HS3ST4: variants seen among roughly 807,000 people sequenced by gnomAD.
HS3ST4 encodes heparan sulfate glucosamine 3-O-sulfotransferase 4.
In HS3ST4, 17 loss-of-function variants were observed where a neutral mutation model predicts 29.2. The ratio of observed to expected loss-of-function variants is 0.58; its 90% CI spans 0.40 to 0.87. The LOEUF (loss-of-function observed/expected upper bound fraction) is 0.87. HS3ST4 is among the 40% of genes least tolerant of loss of function. HS3ST4 has a pLI of 0.00. For synonymous variants in HS3ST4, 314 were observed against 285.7 expected (o/e 1.10, Z -1.00); for missense variants, 627 against 634.5 (o/e 0.99, Z 0.13).
At chr16:25,734,719 C>T (rs1966595320) in intron 1 of HS3ST4, among the ~76,000 whole-genome samples, 1 of 152,136 alleles carries the variant, frequency 6.6e-6, no homozygotes, top group Non-Finnish European at 1.5e-5. Flanking sequence ...TGAAGATGAG[C>T]TGGTGAGTTC....
chr16:25,693,084 G>A lies in HS3ST4; in HGVS notation c.667G>A (p.Val223Met). 1.9e-6 allele frequency: 3 copies of A among 1,608,834 alleles called. No homozygotes were observed. Among genetic ancestry groups the A allele is most frequent in the Non-Finnish European group, 2.5e-6 (3 of 1,177,926 alleles). ...LLEAIRVHPD[V>M]RAVGVEPHFF... ...GGAGGCGATCCGCGTGCACCCGGAC[G>A]TGCGGGCGGTGGGCGTAGAGCCGCA... is the stretch of plus-strand genomic sequence containing the variant. Residue 223 changes from valine (V) to methionine (M), a missense_variant, in exon 1 of 2, where the codon GTG becomes ATG. Physicochemically the swap from Val to Met is conservative, Grantham distance 21. This residue lies in a region of HS3ST4 where 402 missense variants were observed against 340.8 expected (regional missense o/e 1.18). Transcript: ENST00000331351.
At chr16:26,018,946 G>A (rs1174617109) in intron 1 of HS3ST4, among the ~76,000 whole-genome samples, 1 of 151,964 alleles carries the variant, frequency 6.6e-6, no homozygotes, top group Non-Finnish European at 1.5e-5. Flanking sequence ...CTTTCAGTTG[G>A]CCCAGCTCAT....
chr16:25,912,928 A>G lies in HS3ST4; in HGVS notation c.734+219777A>G, dbSNP rs577444173. ...GTGATAGAAAGATGAATAAAATGAC[A>G]TCCTTCCCCAAATCAGAATCACAAA... On this transcript the variant is annotated intron_variant, in intron 1 of 1. Transcript: ENST00000331351. 2.0e-5 allele frequency among the ~76,000 whole-genome samples: 3 copies of G among 152,364 alleles called. No homozygotes were observed. In the East Asian group the frequency reaches 5.8e-4, roughly 29 times the overall value.
At chr16:26,031,005 T>C (rs761693530) in intron 1 of HS3ST4, among the ~76,000 whole-genome samples, 1 of 152,162 alleles carries the variant, frequency 6.6e-6, no homozygotes, top group Non-Finnish European at 1.5e-5. Context: ...GAAGTATTTG[T>C]GAAGGATAGA....
intron 1 of HS3ST4, among the ~76,000 whole-genome samples, chr16:25,847,862 TG>T (rs1280312643): frequency 6.6e-6 from 1 of 152,206 alleles, no homozygotes; most frequent in Non-Finnish European, 1.5e-5. Context: ...GTTAAGACAT[TG>T]CTAAATTAAA....
chr16:26,021,329 G>A (rs3925102), intron 1 of HS3ST4, among the ~76,000 whole-genome samples: 63,315 of 152,070 alleles, frequency 0.42, 14,182 homozygotes, highest in South Asian at 0.63. Flanking sequence ...CCTGCCCAGC[G>A]GTGATCAGCC....
chr16:25,787,473 C>A (rs1377742848), intron 1 of HS3ST4, among the ~76,000 whole-genome samples: 1 of 152,158 alleles, frequency 6.6e-6, no homozygotes, highest in African/African-American at 2.4e-5. Context: ...TACAACTGGC[C>A]CATTACAACA....
chr16:25,775,499 G>A (rs1426942967), intron 1 of HS3ST4, among the ~76,000 whole-genome samples: 1 of 152,100 alleles, frequency 6.6e-6, no homozygotes, highest in Non-Finnish European at 1.5e-5. Flanking sequence ...AAACTCCTTA[G>A]CTGACATCTA....
intron 1 of HS3ST4, among the ~76,000 whole-genome samples, chr16:25,779,497 A>T (rs1966850731): frequency 6.6e-6 from 1 of 152,142 alleles, no homozygotes; most frequent in South Asian, 2.1e-4. Context: ...TAATCAACCA[A>T]CCAATTAGCA....
intron 1 of HS3ST4, among the ~76,000 whole-genome samples, chr16:26,035,899 A>G (rs571789387): frequency 1.3e-5 from 2 of 152,360 alleles, no homozygotes; most frequent in Admixed American, 1.3e-4. Context: ...CCCATGACTA[A>G]TTATGTGAAC....
chr16:25,692,370 G>C lies in HS3ST4; in HGVS notation c.-48G>C. The C allele has an allele frequency of 2.9e-6, 1 of 344,118 alleles. No individual in the cohort carries two copies. The highest frequency in any genetic ancestry group is 4.1e-6 in the Non-Finnish European group (1 of 245,868). 21.3% of individuals were successfully genotyped at this position (344,118 alleles called of 1,614,324 possible). Reference sequence around the variant, plus strand: ...GCGGCTGAAACCATGTCCGGGCAGCGCCGGGGGCTGCCGCCGCCGCCGCCG... The same window carrying C: ...GCGGCTGAAACCATGTCCGGGCAGCCCCGGGGGCTGCCGCCGCCGCCGCCG... On this transcript the variant is annotated 5_prime_UTR_variant, in exon 1 of 2. Transcript: ENST00000331351.
chr16:25,921,777 C>T (rs1968357448), intron 1 of HS3ST4, among the ~76,000 whole-genome samples: 1 of 145,524 alleles, frequency 6.9e-6, no homozygotes, highest in Non-Finnish European at 1.5e-5. Flanking sequence ...TTTTTTGAGA[C>T]AGGGTTCTGC....
rs187830573 is a variant in HS3ST4, at chr16:25,697,812, A to T, written c.734+4661A>T. ...CTCAGCCTCCTGAGTAGCTGGGACT[A>T]CAGGTGCGCACCACCACGTCCAGCA... On this transcript the variant is annotated intron_variant, in intron 1 of 1. Transcript: ENST00000331351. Among the ~76,000 whole-genome samples the T allele has an allele frequency of 1.1e-4, 17 of 152,192 alleles. No homozygotes were observed. In the East Asian group the frequency reaches 3.1e-3, roughly 28 times the overall value.
At chr16:25,973,734 C>G (rs1017402262) in intron 1 of HS3ST4, among the ~76,000 whole-genome samples, 1 of 152,168 alleles carries the variant, frequency 6.6e-6, no homozygotes, top group African/African-American at 2.4e-5. Flanking sequence ...ACAAATGCTG[C>G]TATTAATTCG....
intron 1 of HS3ST4, among the ~76,000 whole-genome samples, chr16:25,819,322 C>G (rs1323564892): frequency 2.0e-5 from 3 of 152,146 alleles, no homozygotes; most frequent in Non-Finnish European, 4.4e-5. Flanking sequence ...GGAAGTTTCC[C>G]CAGGCAACAT....
intron 1 of HS3ST4, among the ~76,000 whole-genome samples, chr16:25,979,345 A>G (rs1432698574): frequency 3.3e-5 from 5 of 152,130 alleles, no homozygotes; most frequent in Non-Finnish European, 7.4e-5. Flanking sequence ...GGGCCACACC[A>G]CAGGAGGTGA....
chr16:26,035,985 A>C (rs1311761264), intron 1 of HS3ST4, among the ~76,000 whole-genome samples: 1 of 152,204 alleles, frequency 6.6e-6, no homozygotes, highest in African/African-American at 2.4e-5. Context: ...GATACTGGGT[A>C]GGTAAAGACA....
chr16:25,811,123 T>C (rs1254426969), intron 1 of HS3ST4, among the ~76,000 whole-genome samples: 1 of 152,206 alleles, frequency 6.6e-6, no homozygotes, highest in Non-Finnish European at 1.5e-5. Flanking sequence ...ATTTCACAAA[T>C]GACTACAGTT....
intron 1 of HS3ST4, among the ~76,000 whole-genome samples, chr16:25,974,272 G>T (rs1394250711): frequency 6.6e-6 from 1 of 152,124 alleles, no homozygotes; most frequent in African/African-American, 2.4e-5. Flanking sequence ...CAAATCATCA[G>T]AAAGCCCTCC....
Sources: allele counts gnomAD v4.1 joint callset (sites outside exome capture counted in the v4.1 genomes callset), GRCh38; gene constraint gnomAD v4.1.1; regional missense constraint gnomAD v4.1.1; transcripts MANE v1.5; gene names NCBI Gene and HGNC (gene_info 2026-07-23, HGNC 2026-07-21).